The following TP53INP1 variants were observed in gnomAD, a reference collection of about 807,000 sequenced individuals.
TP53INP1 encodes tumor protein p53 inducible nuclear protein 1, also known as tumor protein p53-inducible nuclear protein 1.
A neutral mutation model predicts 21.0 loss-of-function variants in TP53INP1; 12 were observed. The ratio of observed to expected loss-of-function variants is 0.57; its 90% confidence interval spans 0.37 to 0.93. The LOEUF (loss-of-function observed/expected upper bound fraction) is 0.93, where lower values mean the gene tolerates loss of function less well. TP53INP1 is among the 40% of genes least tolerant of loss of function. The pLI, the probability that TP53INP1 is intolerant of heterozygous loss-of-function variation, is 0.01. For missense variants in TP53INP1, 274 were observed against 294.7 expected, an observed-to-expected ratio of 0.93 and a Z score of 0.51; for synonymous variants, 91 against 94.8, an observed-to-expected ratio of 0.96 and a Z score of 0.23.
intron 1 of TP53INP1, among the ~76,000 whole-genome samples, chr8:94,948,603 G>T (rs1822227888): frequency 6.6e-6 from 1 of 152,184 alleles, no homozygotes; most frequent in African/African-American, 2.4e-5. Flanking sequence ...CGGAGGGCAG[G>T]CGCAGGGGAC....
intron 1 of TP53INP1, among the ~76,000 whole-genome samples, chr8:94,948,879 C>T (rs1822270752): frequency 1.3e-5 from 2 of 151,966 alleles, no homozygotes; most frequent in East Asian, 3.9e-4. Flanking sequence ...GCGCCGGGGC[C>T]AGGCCGGGCC....
chr8:94,948,647 C>T (rs991670920), intron 1 of TP53INP1, among the ~76,000 whole-genome samples: 8 of 152,202 alleles, frequency 5.3e-5, no homozygotes, highest in Admixed American at 1.3e-4. Flanking sequence ...CGCCGGGCCA[C>T]AAGCCCAAGC....
In TP53INP1 at chr8:94,933,579, A is replaced by G. The variant is rs1820644672; in HGVS notation, c.474-2851T>C. On this transcript the variant is annotated intron_variant, in intron 3 of 3. Transcript: ENST00000342697. ...CAGGAGTTTGAGACCAGCTTAATCA[A>G]CATGGTGAAACCCTGTCTCTACTAA... is the stretch of plus-strand genomic sequence containing the variant. 2.6e-5 allele frequency among the ~76,000 whole-genome samples: 4 copies of G among 152,112 alleles called. No individual in the cohort carries two copies. In the South Asian group the frequency reaches 8.3e-4, roughly 32 times the overall value.
intron 1 of TP53INP1, among the ~76,000 whole-genome samples, chr8:94,946,853 A>G (rs1822062584): frequency 6.6e-6 from 1 of 152,144 alleles, no homozygotes; most frequent in South Asian, 2.1e-4. Flanking sequence ...CCTACTTCAC[A>G]GTGCCAGTGT....
chr8:94,932,041 T>G, intron 3 of TP53INP1: 1 of 1,601,970 alleles, frequency 6.2e-7, no homozygotes, highest in Non-Finnish European at 8.5e-7. Context: ...CATACATATA[T>G]CACACAGTCT....
chr8:94,939,854 A>G lies in TP53INP1; in HGVS notation c.473+6T>C. 1 of 1,606,776 alleles carries G rather than the reference A, an allele frequency of 6.2e-7. No individual in the cohort carries two copies. The highest frequency in any genetic ancestry group is 8.5e-7 in the Non-Finnish European group (1 of 1,175,474). ...GCCTACAGAGAGTTAAATACTTGTA[A>G]CGTACCTGGGACTACTTGGGCTATG... On this transcript the variant is annotated splice_donor_region_variant and intron_variant, in intron 3 of 3. Transcript: ENST00000342697.
intron 1 of TP53INP1, among the ~76,000 whole-genome samples, chr8:94,947,959 C>T (rs190212899): frequency 6.6e-6 from 1 of 152,318 alleles, no homozygotes; most frequent in Non-Finnish European, 1.5e-5. Context: ...ATTTCAATTA[C>T]CAGGCTGGTG....
At chr8:94,941,272 A>G (rs1821504727) in intron 1 of TP53INP1, among the ~76,000 whole-genome samples, 181 bp from the exon 2 acceptor site, 2 of 152,204 alleles carry the variant, frequency 1.3e-5, no homozygotes, top group South Asian at 4.1e-4. Flanking sequence ...AAATACTCTT[A>G]CTCAAATTCA....
In TP53INP1 at chr8:94,930,464, C is replaced by G. The variant is rs759326688; in HGVS notation, c.*15G>C. The G allele has an allele frequency of 7.4e-6, 12 of 1,612,786 alleles. No individual in the cohort carries two copies. Among genetic ancestry groups the G allele is most frequent in the Non-Finnish European group, 9.3e-6 (11 of 1,178,936 alleles). ...GCACAAACCAAGAGAAACCAACCAA[C>G]AAAACTTGAAACTATTAGTAATTGT... On this transcript the variant is annotated 3_prime_UTR_variant, in exon 4 of 4. Coordinates refer to ENST00000342697, the MANE Select transcript of TP53INP1 (RefSeq NM_033285.4).
chr8:94,947,384 A>G (rs1822115822), intron 1 of TP53INP1, among the ~76,000 whole-genome samples: 1 of 151,974 alleles, frequency 6.6e-6, no homozygotes, highest in Non-Finnish European at 1.5e-5. Context: ...GGCTAAACGT[A>G]CCGTCATTGA....
intron 1 of TP53INP1, chr8:94,945,494 A>G (rs1047701826): frequency 6.6e-6 from 1 of 152,216 alleles, no homozygotes; most frequent in Non-Finnish European, 1.5e-5. Flanking sequence ...ACTGTTCTAG[A>G]AAAAGTCTTA....
Position 94,940,182 on chromosome 8 carries a change from C to T in TP53INP1, c.151G>A (p.Glu51Lys). The T allele has an allele frequency of 6.3e-7, 1 of 1,575,040 alleles. No individual in the cohort carries two copies. Reference protein sequence around the residue: ...TGFSAEEEEEEEDISEESPTE... With the variant: ...TGFSAEEEEEKEDISEESPTE... ...GGTGACTCTTCACTGATGTCCTCCT[C>T]TTCTTCTTCTTCTTCTGCTGAGAAA... Residue 51 changes from glutamate to lysine, a missense_variant, in exon 3 of 4, where the codon GAG becomes AAG. Transcript: ENST00000342697.
intron 1 of TP53INP1, 139 bp downstream of exon 1, chr8:94,949,015 T>C (rs954105406): frequency 1.3e-5 from 2 of 148,460 alleles, no homozygotes; most frequent in African/African-American, 4.9e-5. Context: ...GCGAGGGGGC[T>C]CGGTGAACGC....
chr8:94,939,929 T>G lies in TP53INP1; in HGVS notation c.404A>C (p.His135Pro). The G allele has an allele frequency of 6.2e-7, 1 of 1,614,178 alleles. No homozygotes were observed. Among genetic ancestry groups the G allele is most frequent in the Middle Eastern group, 1.7e-4 (1 of 6,060 alleles). ...EHPSMSVYAV[H>P]NSCPGLSEAT... ...CTCACTGAGACCAGGGCAGGAGTTA[T>G]GCACAGCATAGACAGACATGCTGGG... is the stretch of plus-strand genomic sequence containing the variant. The change falls in exon 3 of 4, where the codon CAT becomes CCT. Residue 135 changes from histidine to proline, a missense_variant. Transcript: ENST00000342697.
chr8:94,944,491 T>C (rs1177317866), intron 1 of TP53INP1, among the ~76,000 whole-genome samples: 1 of 152,182 alleles, frequency 6.6e-6, no homozygotes. Context: ...AGGAGCTTTC[T>C]AGGGAGCAGT....
intron 2 of TP53INP1, 114 bp downstream of exon 2, chr8:94,940,716 C>T: frequency 1.4e-6 from 1 of 710,342 alleles, no homozygotes; most frequent in Non-Finnish European, 2.3e-6. Context: ...CAAACTCCTG[C>T]TTACTTTTAA....
chr8:94,939,174 A>G (rs1821280474), intron 3 of TP53INP1, among the ~76,000 whole-genome samples: 1 of 152,324 alleles, frequency 6.6e-6, no homozygotes, highest in South Asian at 2.1e-4. Context: ...TCATTTGATG[A>G]GATGTAGCTA....
rs553926404 is a variant in TP53INP1 at position 94,928,152 on chromosome 8, G to A, written c.*2327C>T. The A allele has an allele frequency of 1.3e-3, 204 of 152,052 alleles. No homozygotes were observed. Among genetic ancestry groups the A allele is most frequent in the African/African-American group, 4.7e-3 (196 of 41,470 alleles). 9.4% of individuals were successfully genotyped at this position (152,052 alleles called of 1,614,324 possible). The stretch of plus-strand genomic sequence containing the variant: ...GTGGTAATCCCAACCTTGAAAAAAA[G>A]CCCAACGAATGTAATTTTTTGTTTT... On this transcript the variant is annotated 3_prime_UTR_variant, in exon 4 of 4. Transcript: ENST00000342697.
intron 1 of TP53INP1, among the ~76,000 whole-genome samples, chr8:94,947,055 C>A (rs143938450): frequency 6.6e-6 from 1 of 152,242 alleles, no homozygotes; most frequent in East Asian, 1.9e-4. Context: ...TTATTTGTCC[C>A]ATTTTACTGA....
Sources: allele counts gnomAD v4.1 joint callset (sites outside exome capture counted in the v4.1 genomes callset), GRCh38; gene constraint gnomAD v4.1.1; transcripts MANE v1.5; gene names NCBI Gene and HGNC (gene_info 2026-07-23, HGNC 2026-07-21).